Variants in ACYP2 observed in about 807,000 individuals in gnomAD.
The protein encoded by ACYP2 is acylphosphatase 2.
In ACYP2, 12 loss-of-function variants were observed where a neutral mutation model predicts 11.2. That is an observed-to-expected ratio of 1.08 (90% CI 0.69 to 1.74). The LOEUF (loss-of-function observed/expected upper bound fraction) is 1.74. Ranked by LOEUF, ACYP2 falls within the 40% of genes most tolerant of loss-of-function variation. The probability of loss-of-function intolerance (pLI) is 0.00; values close to 1 mark genes in which losing one functional copy is unlikely to be tolerated. For synonymous variants in ACYP2, 43 were observed against 32.2 expected (o/e 1.33, Z -1.13); for missense variants, 134 against 101.9 (o/e 1.31, Z -1.35).
At chr2:54,033,014 T>A (rs1674672279) in intron 2 of ACYP2, among the ~76,000 whole-genome samples, 1 of 152,080 alleles carries the variant, frequency 6.6e-6, no homozygotes. Flanking sequence ...CAAAAACCAT[T>A]GTATGTACAG....
chr2:54,222,916 C>T (rs1428206419), intron 6 of ACYP2: 1 of 113,520 alleles, frequency 8.8e-6, no homozygotes, highest in Non-Finnish European at 2.0e-5. Context: ...CACGAGATCT[C>T]CACCATTCTT....
chr2:54,048,224 G>A (rs1675630184), intron 2 of ACYP2, among the ~76,000 whole-genome samples: 1 of 152,198 alleles, frequency 6.6e-6, no homozygotes, highest in South Asian at 2.1e-4. Context: ...CCAGGAGTTT[G>A]AGACAGTCTG....
intron 2 of ACYP2, among the ~76,000 whole-genome samples, chr2:53,992,969 GTCAAGGCAGACGGA>G (rs1489791711): frequency 2.0e-4 from 31 of 152,136 alleles, no homozygotes; most frequent in African/African-American, 6.8e-4. Context: ...ACTTTGGGAG[GTCAAGGCAGACGGA>G]TCACTTGAAT....
At chr2:54,185,532 G>C (rs1683944543) in intron 6 of ACYP2, among the ~76,000 whole-genome samples, 1 of 151,176 alleles carries the variant, frequency 6.6e-6, no homozygotes, top group African/African-American at 2.5e-5. Context: ...CTAAAGCATA[G>C]GGATTTTTTT....
intron 6 of ACYP2, among the ~76,000 whole-genome samples, chr2:54,222,798 C>T (rs1050628930): frequency 6.6e-6 from 1 of 152,108 alleles, no homozygotes; most frequent in Admixed American, 6.5e-5. Context: ...TGGAGGCCAC[C>T]TTGATTTGCC....
At chr2:54,013,253 ATATGTG>A (rs1380762149) in intron 2 of ACYP2, among the ~76,000 whole-genome samples, 17 of 24,186 alleles carry the variant, frequency 7.0e-4, no homozygotes, top group South Asian at 2.3e-3. Context: ...CCACCATCTA[ATATGTG>A]TGTGTGTGTG....
At chr2:54,296,150 A>T (rs768213603) in intron 6 of ACYP2, among the ~76,000 whole-genome samples, 2 of 152,216 alleles carry the variant, frequency 1.3e-5, no homozygotes, top group Non-Finnish European at 2.9e-5. Flanking sequence ...CAATTACAAA[A>T]TGTGATCGTT....
At chr2:54,176,998 G>A (rs185571752) in intron 6 of ACYP2, among the ~76,000 whole-genome samples, 5 of 152,246 alleles carry the variant, frequency 3.3e-5, no homozygotes, top group East Asian at 1.9e-4. Context: ...CAACAAACCC[G>A]CATGCAAATC....
intron 6 of ACYP2, chr2:54,254,268 T>A (rs1221546180): frequency 6.6e-6 from 1 of 152,356 alleles, no homozygotes; most frequent in Non-Finnish European, 1.5e-5. Flanking sequence ...GAAAGCTGTG[T>A]CCACCACCAG....
intron 6 of ACYP2, among the ~76,000 whole-genome samples, chr2:54,265,374 A>G (rs1394724679): frequency 6.6e-6 from 1 of 152,234 alleles, no homozygotes; most frequent in African/African-American, 2.4e-5. Context: ...TATCACAAGA[A>G]TAGCATGGGA....
At chr2:54,250,816 AT>A (rs1446131242) in intron 6 of ACYP2, among the ~76,000 whole-genome samples, 2 of 152,228 alleles carry the variant, frequency 1.3e-5, no homozygotes, top group African/African-American at 2.4e-5. Context: ...TTATAATTCT[AT>A]AGAAGTTTTT....
intron 4 of ACYP2, among the ~76,000 whole-genome samples, chr2:54,109,981 A>G (rs993091442): frequency 6.6e-6 from 1 of 152,158 alleles, no homozygotes; most frequent in Non-Finnish European, 1.5e-5. Context: ...CTAACATTGC[A>G]TCTAGTCATC....
intron 4 of ACYP2, among the ~76,000 whole-genome samples, chr2:54,118,796 C>G (rs1679968930): frequency 6.6e-6 from 1 of 152,132 alleles, no homozygotes. Flanking sequence ...AGTACATGCC[C>G]ACTATTGATC....
chr2:54,166,026 T>C (rs1682953526), intron 6 of ACYP2, among the ~76,000 whole-genome samples: 1 of 152,184 alleles, frequency 6.6e-6, no homozygotes, highest in Admixed American at 6.5e-5. Context: ...AAGTTTTACA[T>C]TCAGTTTAAA....
chr2:54,104,809 T>C (rs1417679710), intron 4 of ACYP2, among the ~76,000 whole-genome samples: 1 of 152,194 alleles, frequency 6.6e-6, no homozygotes, highest in South Asian at 2.1e-4. Flanking sequence ...TTTCTGGAGA[T>C]GGGAAGAACA....
intron 4 of ACYP2, among the ~76,000 whole-genome samples, chr2:54,059,167 G>A (rs906909930): frequency 4.6e-5 from 7 of 152,044 alleles, no homozygotes; most frequent in African/African-American, 1.7e-4. Context: ...TTTGAGTTAA[G>A]AATTGCCTAG....
intron 1 of ACYP2, among the ~76,000 whole-genome samples, chr2:53,971,982 T>C (rs1233430213): frequency 2.6e-5 from 4 of 152,226 alleles, no homozygotes; most frequent in African/African-American, 9.6e-5. Context: ...ATTTTAAGCA[T>C]AGCAGTGGGA....
At chr2:54,184,917 G>T (rs1257264271) in intron 6 of ACYP2, among the ~76,000 whole-genome samples, 2 of 151,402 alleles carry the variant, frequency 1.3e-5, no homozygotes, top group African/African-American at 4.9e-5. Context: ...CACCTTCTCG[G>T]TTCACTGAAA....
intron 2 of ACYP2, chr2:54,029,824 T>C (rs988577544): frequency 4.3e-5 from 22 of 508,030 alleles, no homozygotes; most frequent in African/African-American, 4.1e-4. Context: ...ATTTGAACAG[T>C]GCCCACTCCC....
Sources: gnomAD v4.1 joint callset for allele counts (sites outside exome capture counted in the v4.1 genomes callset) on GRCh38, gnomAD v4.1.1 for gene constraint, MANE v1.5 for transcripts, NCBI Gene and HGNC (gene_info 2026-07-23, HGNC 2026-07-21) for gene names.